THRB: variants seen among roughly 807,000 people sequenced by gnomAD.
THRB encodes thyroid hormone receptor beta.
THRB carries 12 observed loss-of-function variants against 47.8 expected under a neutral mutation model. The observed-to-expected ratio is 0.25, with a 90% CI of 0.16 to 0.41. THRB has a LOEUF of 0.41. Ranked by LOEUF, THRB falls within the 10% of genes least tolerant of loss-of-function variation. The pLI, the probability that THRB is intolerant of heterozygous loss-of-function variation, is 1.00. For synonymous variants in THRB, 218 were observed against 212.2 expected (o/e 1.03, Z -0.24); for missense variants, 348 against 589.2 (o/e 0.59, Z 4.24).
intron 1 of THRB, among the ~76,000 whole-genome samples, chr3:24,362,671 G>A (rs938775620): frequency 1.3e-5 from 2 of 152,104 alleles, no homozygotes; most frequent in Non-Finnish European, 2.9e-5. Context: ...GCACTTATCT[G>A]GCACTTGATA....
At chr3:24,286,364 G>T (rs1159980368) in intron 3 of THRB, among the ~76,000 whole-genome samples, 1 of 152,122 alleles carries the variant, frequency 6.6e-6, no homozygotes, top group Non-Finnish European at 1.5e-5. Context: ...TTTTAGCTTG[G>T]TTCAAGAAGA....
At chr3:24,198,451 C>CT (rs2044223640) in intron 4 of THRB, among the ~76,000 whole-genome samples, 1 of 24,856 alleles carries the variant, frequency 4.0e-5, no homozygotes, top group Non-Finnish European at 8.3e-5. Context: ...TGTCTCCCCC[C>CT]GCCCCCCCCC....
At chr3:24,323,797 C>T (rs552105653) in intron 2 of THRB, among the ~76,000 whole-genome samples, 110 of 152,328 alleles carry the variant, frequency 7.2e-4, no homozygotes, top group Non-Finnish European at 1.4e-3. Context: ...ATCCCCAAAT[C>T]ATTTCAGTAT....
chr3:24,216,040 A>G (rs2046528805), intron 4 of THRB, among the ~76,000 whole-genome samples: 1 of 151,674 alleles, frequency 6.6e-6, no homozygotes, highest in African/African-American at 2.4e-5. Flanking sequence ...AGTGGAGAGC[A>G]TTATTTTGCT....
chr3:24,211,916 A>AT (rs2046068462), intron 4 of THRB, among the ~76,000 whole-genome samples: 1 of 152,174 alleles, frequency 6.6e-6, no homozygotes, highest in East Asian at 1.9e-4. Context: ...TGCAGACAAT[A>AT]TTTGCAGGCT....
chr3:24,289,549 T>A (rs1218550426), intron 3 of THRB, among the ~76,000 whole-genome samples: 1 of 152,082 alleles, frequency 6.6e-6, no homozygotes, highest in Non-Finnish European at 1.5e-5. Context: ...TTTTTTGGAG[T>A]TGAGGAGGGA....
At chr3:24,272,659 A>C (rs939252152) in intron 3 of THRB, among the ~76,000 whole-genome samples, 1 of 152,190 alleles carries the variant, frequency 6.6e-6, no homozygotes, top group African/African-American at 2.4e-5. Context: ...AGTCAAGACA[A>C]GAGGACAGAA....
At chr3:24,165,453 A>C (rs1446495996) in intron 5 of THRB, 2 of 664,820 alleles carry the variant, frequency 3.0e-6, no homozygotes, top group Non-Finnish European at 5.4e-6. Context: ...ATACGCAGAG[A>C]AGCATACATA....
At chr3:24,315,477 G>A (rs1365272476) in intron 2 of THRB, among the ~76,000 whole-genome samples, 1 of 152,218 alleles carries the variant, frequency 6.6e-6, no homozygotes, top group Admixed American at 6.5e-5. Context: ...TGGCGTCATG[G>A]CTGTGTGGAT....
At chr3:24,129,393 A>G (rs2033458091) in intron 9 of THRB, among the ~76,000 whole-genome samples, 1 of 152,254 alleles carries the variant, frequency 6.6e-6, no homozygotes, top group African/African-American at 2.4e-5. Context: ...AGATCAAACC[A>G]TTTATTTTTA....
intron 1 of THRB, among the ~76,000 whole-genome samples, chr3:24,342,487 G>A (rs2062735274): frequency 6.6e-6 from 1 of 152,160 alleles, no homozygotes; most frequent in Non-Finnish European, 1.5e-5. Flanking sequence ...TGAAGCCACA[G>A]AGGAGACACA....
chr3:24,325,835 T>C (rs921159366), intron 2 of THRB, among the ~76,000 whole-genome samples: 2 of 152,198 alleles, frequency 1.3e-5, no homozygotes, highest in Non-Finnish European at 2.9e-5. Context: ...TTCCAACATG[T>C]AATAAATCAT....
chr3:24,233,955 C>G (rs975640473), intron 3 of THRB, among the ~76,000 whole-genome samples: 1 of 152,170 alleles, frequency 6.6e-6, no homozygotes, highest in African/African-American at 2.4e-5. Flanking sequence ...GTCTCCTTAC[C>G]TTGCACTGCT....
At chr3:24,374,188 A>G (rs776885493) in intron 1 of THRB, among the ~76,000 whole-genome samples, 16 of 152,164 alleles carry the variant, frequency 1.1e-4, no homozygotes, top group Non-Finnish European at 2.1e-4. Context: ...GTACTGAGCC[A>G]AGTGGTGTAG....
At chr3:24,470,434 C>G (rs1245598189) in intron 1 of THRB, among the ~76,000 whole-genome samples, 1 of 152,142 alleles carries the variant, frequency 6.6e-6, no homozygotes, top group Non-Finnish European at 1.5e-5. Context: ...AGCTATGTGA[C>G]CTTAGGAAAG....
intron 1 of THRB, among the ~76,000 whole-genome samples, chr3:24,446,493 G>A (rs902554231): frequency 2.7e-5 from 4 of 149,964 alleles, no homozygotes; most frequent in South Asian, 2.1e-4. Flanking sequence ...GTGTGTTTCT[G>A]CAAAAGTGCA....
intron 1 of THRB, among the ~76,000 whole-genome samples, chr3:24,396,256 T>C (rs1355434618): frequency 6.6e-6 from 1 of 152,076 alleles, no homozygotes; most frequent in Non-Finnish European, 1.5e-5. Flanking sequence ...CTTAAAATCA[T>C]CTGGGGCATT....
chr3:24,124,606 A>G (rs764412133), intron 10 of THRB, among the ~76,000 whole-genome samples: 3 of 152,220 alleles, frequency 2.0e-5, no homozygotes, highest in Non-Finnish European at 4.4e-5. Flanking sequence ...GAAACATTTT[A>G]AAGACTGAAG....
At chr3:24,173,614 T>C (rs752277508) in intron 5 of THRB, among the ~76,000 whole-genome samples, 17 of 152,190 alleles carry the variant, frequency 1.1e-4, no homozygotes, top group Non-Finnish European at 2.1e-4. Context: ...AACCTATTGA[T>C]GGTATACCAG....
Sources: gnomAD v4.1 joint callset for allele counts (sites outside exome capture counted in the v4.1 genomes callset) on GRCh38, gnomAD v4.1.1 for gene constraint, MANE v1.5 for transcripts, NCBI Gene and HGNC (gene_info 2026-07-23, HGNC 2026-07-21) for gene names.